The following RUSF1 variants were observed in gnomAD, a reference collection of about 807,000 sequenced individuals.
RUSF1 encodes the protein RUS1 family protein C16orf58.
A neutral mutation model predicts 63.0 loss-of-function variants in RUSF1; 58 were observed. The ratio of observed to expected loss-of-function variants is 0.92; its 90% confidence interval spans 0.75 to 1.15. RUSF1 has a LOEUF of 1.15. Among genes scored for constraint, RUSF1 ranks in the 50% most tolerant of loss-of-function variants. The pLI, the probability that RUSF1 is intolerant of heterozygous loss-of-function variation, is 0.00. For synonymous variants in RUSF1, 274 were observed against 255.8 expected, an observed-to-expected ratio of 1.07 and a Z score of -0.68; for missense variants, 652 against 611.0, an observed-to-expected ratio of 1.07 and a Z score of -0.71.
chr16:31,498,663 G>T (rs1176376968), intron 5 of RUSF1, among the ~76,000 whole-genome samples: 3 of 152,178 alleles, frequency 2.0e-5, no homozygotes, highest in African/African-American at 4.8e-5. Context: ...GAGGAAGAGT[G>T]TGCTTGAGCC....
chr16:31,491,226 C>A (rs2082565480), intron 12 of RUSF1, among the ~76,000 whole-genome samples: 1 of 152,206 alleles, frequency 6.6e-6, no homozygotes, highest in African/African-American at 2.4e-5. Context: ...CACAGACTGT[C>A]TACACTGATA....
chr16:31,495,344 G>GCAGGAAACTGGGGAT (rs2082596474), intron 6 of RUSF1, among the ~76,000 whole-genome samples: 2 of 152,208 alleles, frequency 1.3e-5, no homozygotes, highest in Admixed American at 6.5e-5. Context: ...TGTGGGTGTG[G>GCAGGAAACTGGGGAT]CAGGAAACTG....
In RUSF1 at chr16:31,508,290, C is replaced by A; in HGVS notation, c.84G>T (p.Ala28=). 1.3e-6 allele frequency: 2 copies of A among 1,574,542 alleles called. No individual in the cohort carries two copies. Among genetic ancestry groups the A allele is most frequent in the African/African-American group, 1.3e-5 (1 of 74,280 alleles). Reference sequence around the variant, plus strand: ...CGACCTCCCACTGCAGGCTCCCGTCCGCGGCGGCGCGGCAGCCCCGTGCCT... The same window carrying A: ...CGACCTCCCACTGCAGGCTCCCGTCAGCGGCGGCGCGGCAGCCCCGTGCCT... ...SGEARGCRAA[A]DGSLQWEVGG... Residue 28 remains alanine, a synonymous_variant, in exon 1 of 13, where the codon GCG becomes GCT. Coordinates refer to ENST00000327237, the MANE Select transcript of RUSF1 (RefSeq NM_022744.4).
chr16:31,496,797 C>G, intron 6 of RUSF1, 52 bp downstream of exon 6: 16 of 1,431,182 alleles, frequency 1.1e-5, no homozygotes, highest in Middle Eastern at 2.4e-4. Flanking sequence ...CAAGTGGCTT[C>G]TCTCCCCTTC....
At position 31,493,600 on chromosome 16, in the gene RUSF1, C is replaced by T. The variant is rs368074333; in HGVS notation, c.958+3G>A. 8.9e-5 allele frequency: 144 copies of T among 1,614,086 alleles called. No homozygotes were observed. Among genetic ancestry groups the T allele is most frequent in the Middle Eastern group, 3.3e-4 (2 of 6,084 alleles). On this transcript the variant is annotated splice_donor_region_variant and intron_variant, in intron 8 of 12. Coordinates refer to ENST00000327237, the MANE Select transcript of RUSF1 (RefSeq NM_022744.4). ...CAGGACCCGAGACCAGGGGCAGGGT[C>T]ACCTGTCCACAGCGGCTCCATGCGA...
Position 31,490,605 on chromosome 16 carries a change from C to G in RUSF1, c.*230G>C, listed in dbSNP as rs867270650. 1.2e-4 allele frequency: 156 copies of G among 1,353,204 alleles called. 1 individual carries two copies. The Middle Eastern group carries it at 3.1e-3, about 27-fold the overall frequency. 83.8% of individuals were successfully genotyped at this position (1,353,204 alleles called of 1,614,324 possible). On this transcript the variant is annotated 3_prime_UTR_variant, in exon 13 of 13. Coordinates refer to ENST00000327237, the MANE Select transcript of RUSF1 (RefSeq NM_022744.4). The stretch of plus-strand genomic sequence containing the variant: ...GGGGGTGAGGAGCCTGCGGTGCTCC[C>G]CAGAAAAGGGGAAGGGGCAGTGGGG...
chr16:31,500,389 G>A (rs996987457), intron 3 of RUSF1, among the ~76,000 whole-genome samples: 2 of 152,158 alleles, frequency 1.3e-5, no homozygotes, highest in Non-Finnish European at 1.5e-5. Flanking sequence ...GTTTGGGCAG[G>A]TAACTTCCCT....
intron 2 of RUSF1, 58 bp downstream of exon 2, chr16:31,507,706 G>A (rs1040434304): frequency 6.8e-7 from 1 of 1,480,604 alleles, no homozygotes; most frequent in Non-Finnish European, 9.2e-7. Flanking sequence ...ACACATAAGA[G>A]CCCAGCGAAA....
Position 31,490,667 on chromosome 16 carries a change from C to G in RUSF1, c.*168G>C. On this transcript the variant is annotated 3_prime_UTR_variant, in exon 13 of 13. Transcript: ENST00000327237. ...TGGCTCCCCTTCTCCCGGCCTTCCT[C>G]TGCCTGGGGCCCACTGCATCTGATT... The G allele has an allele frequency of 9.2e-7, 1 of 1,090,466 alleles. No individual in the cohort carries two copies. The highest frequency in any genetic ancestry group is 1.4e-6 in the Non-Finnish European group (1 of 730,196). 67.5% of individuals were successfully genotyped at this position (1,090,466 alleles called of 1,614,324 possible). A position where few individuals can be genotyped will look rare whatever the true frequency, so the allele number is the denominator to read the frequency against.
chr16:31,491,935 T>C (rs2082571432), intron 12 of RUSF1, 74 bp downstream of exon 12: 6 of 1,465,442 alleles, frequency 4.1e-6, no homozygotes, highest in Non-Finnish European at 5.7e-6. Context: ...GGTGAAAGGG[T>C]GGGAGTGGGG....
In RUSF1 at chr16:31,493,642, C is replaced by G; in HGVS notation, c.919G>C (p.Asp307His). 2 of 1,614,184 alleles carry G rather than the reference C, an allele frequency of 1.2e-6. No homozygotes were observed. The highest frequency in any genetic ancestry group is 1.1e-5 in the South Asian group (1 of 91,078). ...KHYLQRGEVLDPTAANRMEPL... is the reference protein window; with the variant it reads ...KHYLQRGEVLHPTAANRMEPL... ...TCCATGCGATTGGCTGCAGTTGGGT[C>G]GAGTACCTCTCCCCTCTGAAGGTAG... Residue 307 changes from aspartate (D) to histidine (H), a missense_variant, in exon 8 of 13, where the codon GAC becomes CAC. Coordinates refer to ENST00000327237, the MANE Select transcript of RUSF1 (RefSeq NM_022744.4).
intron 5 of RUSF1, among the ~76,000 whole-genome samples, chr16:31,499,059 C>T (rs1005854498): frequency 3.3e-5 from 5 of 152,222 alleles, no homozygotes; most frequent in Admixed American, 2.0e-4. Context: ...TGGACAACCC[C>T]TTCTAGTTCT....
Position 31,507,794 on chromosome 16 carries a change from A to G in RUSF1, c.385T>C (p.Ser129Pro). 6.4e-7 allele frequency: 1 copy of G among 1,574,490 alleles called. No individual in the cohort carries two copies. The highest frequency in any genetic ancestry group is 8.6e-7 in the Non-Finnish European group (1 of 1,159,500). ...ACGAGCCAGGTGGCCGTGGCAGCTG[A>G]AACAGTGGCTTTTGCGTTCCCCACC... ...IGVGNAKATVSAATATWLVKD... is the reference protein window; with the variant it reads ...IGVGNAKATVPAATATWLVKD... Residue 129 changes from serine (S) to proline (P), a missense_variant, in exon 2 of 13, where the codon TCA becomes CCA. Coordinates refer to ENST00000327237, the MANE Select transcript of RUSF1 (RefSeq NM_022744.4).
intron 10 of RUSF1, among the ~76,000 whole-genome samples, 167 bp from the exon 11 acceptor site, chr16:31,492,507 G>A (rs994306972): frequency 6.6e-6 from 1 of 152,006 alleles, no homozygotes; most frequent in Non-Finnish European, 1.5e-5. Flanking sequence ...CCCAATGTTC[G>A]GGCCAAACTG....
rs2082559242 is a variant in RUSF1, at chr16:31,490,695, C to T, written c.*140G>A. On this transcript the variant is annotated 3_prime_UTR_variant, in exon 13 of 13. Coordinates refer to ENST00000327237, the MANE Select transcript of RUSF1 (RefSeq NM_022744.4). ...CCTGGGGCCCACTGCATCTGATTGG[C>T]AGTCACTTCCCATGAGGGCCTGGCC... The T allele has an allele frequency of 5.3e-6, 6 of 1,123,666 alleles. No individual in the cohort carries two copies. Among genetic ancestry groups the T allele is most frequent in the Non-Finnish European group, 7.9e-6 (6 of 755,816 alleles). The allele number at this position is 1,123,666 out of a possible 1,614,324, so 69.6% of individuals were successfully genotyped here.
At chr16:31,506,439 T>A (rs1457503862) in intron 2 of RUSF1, among the ~76,000 whole-genome samples, 1 of 152,180 alleles carries the variant, frequency 6.6e-6, no homozygotes, top group Non-Finnish European at 1.5e-5. Flanking sequence ...GTTGGTGACA[T>A]CACATGAAAA....
Position 31,508,334 on chromosome 16 carries a change from C to G in RUSF1, c.40G>C (p.Glu14Gln). ...CGTGCCTCCCCGGAGCCGAACTGCT[C>G]GGAACACAGCGGGGTCTCCAAACCC... Reference protein sequence around the residue: ...DAGLETPLCSEQFGSGEARGC... With the variant: ...DAGLETPLCSQQFGSGEARGC... Residue 14 changes from glutamate to glutamine, a missense_variant, in exon 1 of 13, where the codon GAG becomes CAG. Physicochemically the swap from Glu to Gln is conservative, Grantham distance 29. Coordinates refer to ENST00000327237, the MANE Select transcript of RUSF1 (RefSeq NM_022744.4). 6.4e-7 allele frequency: 1 copy of G among 1,563,334 alleles called. No homozygotes were observed.
intron 2 of RUSF1, among the ~76,000 whole-genome samples, chr16:31,505,640 G>A (rs2082655111): frequency 6.6e-6 from 1 of 152,090 alleles, no homozygotes; most frequent in African/African-American, 2.4e-5. Context: ...ATGTGGGAGG[G>A]GATTACTGTG....
At chr16:31,505,273 C>T (rs2082652963) in intron 2 of RUSF1, among the ~76,000 whole-genome samples, 1 of 152,140 alleles carries the variant, frequency 6.6e-6, no homozygotes, top group African/African-American at 2.4e-5. Context: ...TGACAGATTC[C>T]TTTGCTCGCA....
Sources: gnomAD v4.1 joint callset for allele counts (sites outside exome capture counted in the v4.1 genomes callset) on GRCh38, gnomAD v4.1.1 for gene constraint, MANE v1.5 for transcripts, NCBI Gene and HGNC (gene_info 2026-07-23, HGNC 2026-07-21) for gene names.